Variants in GRAPL observed in about 807,000 individuals in gnomAD.
GRAPL encodes the protein GRB2-related adapter protein-like.
At chr17:19,144,905 G>C (rs1439031088) in intron 3 of GRAPL, among the ~76,000 whole-genome samples, 2 of 37,314 alleles carry the variant, frequency 5.4e-5, no homozygotes, top group African/African-American at 1.1e-4. Flanking sequence ...GGATGGCTAA[G>C]GTCAAGACTA....
intron 3 of GRAPL, among the ~76,000 whole-genome samples, chr17:19,149,367 A>C: frequency 1.1e-5 from 1 of 88,486 alleles, no homozygotes; most frequent in African/African-American, 7.2e-5. Flanking sequence ...GATAGCATCC[A>C]CTCAATATCT....
intron 3 of GRAPL, among the ~76,000 whole-genome samples, chr17:19,148,840 G>A (rs1474886634): frequency 3.4e-5 from 4 of 117,330 alleles, no homozygotes; most frequent in Non-Finnish European, 5.3e-5. Context: ...CCTGGGAGGC[G>A]GAGCTTGCAG....
At position 19,144,522 on chromosome 17, in the gene GRAPL, C is replaced by T. The variant is rs973443355; in HGVS notation, c.299+5934C>T. ...AACAGTCACTCCACACAGTGGGAGA[C>T]ACACACAGACACACACACACACAAG... On this transcript the variant is annotated intron_variant, in intron 3 of 3. Coordinates refer to ENST00000344415, the MANE Select transcript of GRAPL (RefSeq NM_001129778.3). Among the ~76,000 whole-genome samples, 10 of 143,270 alleles carry T rather than the reference C, an allele frequency of 7.0e-5. 3 individuals carry two copies. The highest frequency in any genetic ancestry group is 1.0e-4 in the African/African-American group (4 of 39,200). The allele number at this position is 143,270 out of a possible 152,430, so 94.0% of individuals were successfully genotyped here.
chr17:19,137,022 AG>A (rs2044660615), intron 2 of GRAPL, among the ~76,000 whole-genome samples: 1 of 147,644 alleles, frequency 6.8e-6, no homozygotes, highest in African/African-American at 2.4e-5. Flanking sequence ...ATGGGGGATT[AG>A]GTTTCAATAT....
intron 3 of GRAPL, among the ~76,000 whole-genome samples, chr17:19,147,376 GTGGCTCTGTTGGCA>G (rs2044705846): frequency 1.0e-5 from 1 of 99,116 alleles, no homozygotes; most frequent in Non-Finnish European, 2.0e-5. Context: ...TGGGCCTAGG[GTGGCTCTGTTGGCA>G]GCACCCACAC....
At chr17:19,144,372 G>A (rs373468410) in intron 3 of GRAPL, among the ~76,000 whole-genome samples, 18,535 of 125,510 alleles carry the variant, frequency 0.15, 3,243 homozygotes, top group South Asian at 0.4. Context: ...GGCCTGACTT[G>A]GTCCTTGGGG....
intron 3 of GRAPL, among the ~76,000 whole-genome samples, chr17:19,147,153 G>A (rs2152189501): frequency 6.9e-6 from 1 of 145,860 alleles, no homozygotes; most frequent in Middle Eastern, 3.5e-3. Flanking sequence ...TCCCTAGCCT[G>A]TGGCTCAGGA....
At chr17:19,147,093 G>A (rs1171660720) in intron 3 of GRAPL, among the ~76,000 whole-genome samples, 3 of 142,518 alleles carry the variant, frequency 2.1e-5, no homozygotes, top group Non-Finnish European at 4.5e-5. Context: ...GGCATCAAGT[G>A]CTTTGGACTG....
At chr17:19,136,972 C>T (rs1328964277) in intron 2 of GRAPL, among the ~76,000 whole-genome samples, 1 of 150,638 alleles carries the variant, frequency 6.6e-6, no homozygotes, top group African/African-American at 2.4e-5. Context: ...ATGGGGACTG[C>T]TAATCACCTC....
intron 3 of GRAPL, among the ~76,000 whole-genome samples, chr17:19,143,921 T>TA (rs2044682963): frequency 2.9e-4 from 1 of 3,426 alleles, no homozygotes; most frequent in Admixed American, 2.5e-3. Flanking sequence ...GCGAGGAACT[T>TA]AGAGCTGGTG....
intron 3 of GRAPL, chr17:19,144,140 G>A: frequency 9.1e-6 from 1 of 109,306 alleles, no homozygotes; most frequent in Non-Finnish European, 1.6e-5. Context: ...CATGCCTGAT[G>A]GAGATCGCCC....
intron 3 of GRAPL, among the ~76,000 whole-genome samples, chr17:19,147,044 T>C (rs1015396011): frequency 8.0e-6 from 1 of 125,234 alleles, no homozygotes; most frequent in African/African-American, 3.8e-5. Flanking sequence ...TGTGTGTGTG[T>C]GTGTGTGCGC....
At chr17:19,144,427 G>T (rs1455031467) in intron 3 of GRAPL, among the ~76,000 whole-genome samples, 1 of 128,958 alleles carries the variant, frequency 7.8e-6, no homozygotes, top group East Asian at 9.0e-4. Context: ...TGTTCCCCTG[G>T]GTAGGTGGAT....
intron 3 of GRAPL, among the ~76,000 whole-genome samples, chr17:19,147,016 GGTGTGTGTGTGTGT>G (rs764286470): frequency 3.0e-5 from 3 of 98,536 alleles, no homozygotes; most frequent in Non-Finnish European, 5.3e-5. Context: ...GAGAGGTAGG[GGTGTGTGTGTGTGT>G]GTGTGTGTGT....
intron 3 of GRAPL, among the ~76,000 whole-genome samples, chr17:19,149,362 C>A: frequency 3.4e-5 from 3 of 89,210 alleles, no homozygotes; most frequent in African/African-American, 7.1e-5. Flanking sequence ...AAAAAGATAG[C>A]ATCCACTCAA....
intron 3 of GRAPL, among the ~76,000 whole-genome samples, chr17:19,149,157 G>A (rs1198852300): frequency 3.4e-5 from 3 of 89,292 alleles, no homozygotes; most frequent in Non-Finnish European, 6.2e-5. Context: ...GTGAAACCCC[G>A]TCTCTACTAA....
chr17:19,144,730 T>TC (rs1333919200), intron 3 of GRAPL, among the ~76,000 whole-genome samples: 4 of 103,844 alleles, frequency 3.9e-5, no homozygotes, highest in Non-Finnish European at 7.4e-5. Context: ...GATCCAGCCC[T>TC]CCCGGTTCCG....
intron 3 of GRAPL, chr17:19,143,101 T>A (rs907874218): frequency 2.1e-5 from 2 of 93,864 alleles, no homozygotes; most frequent in Non-Finnish European, 3.3e-5. Flanking sequence ...GGAACCCAGA[T>A]GCTGGGAAGC....
At chr17:19,148,907 C>CAAAAAAA in intron 3 of GRAPL, among the ~76,000 whole-genome samples, 1 of 78,654 alleles carries the variant, frequency 1.3e-5, no homozygotes, top group East Asian at 6.8e-4. Flanking sequence ...GACCACGCCT[C>CAAAAAAA]AAAAAAAAAA....
Sources: gnomAD v4.1 joint callset for allele counts (sites outside exome capture counted in the v4.1 genomes callset) on GRCh38, gnomAD v4.1.1 for gene constraint, MANE v1.5 for transcripts, NCBI Gene and HGNC (gene_info 2026-07-23, HGNC 2026-07-21) for gene names.